Variants in TRIM6 observed in about 807,000 individuals in gnomAD.
TRIM6 encodes tripartite motif containing 6, also known as tripartite motif-containing protein 6.
TRIM6 carries 43 observed loss-of-function variants against 51.2 expected under a neutral mutation model. That is an observed-to-expected ratio of 0.84 (90% CI 0.66 to 1.08). TRIM6 has a LOEUF of 1.08. Ranked by LOEUF, TRIM6 falls within the 50% of genes least tolerant of loss-of-function variation. The pLI is 0.00. For missense variants in TRIM6, 669 were observed against 619.0 expected (o/e 1.08, Z -0.86); for synonymous variants, 215 against 232.4 (o/e 0.93, Z 0.68).
At chr11:5,608,335 G>T in intron 4 of TRIM6, 37 bp from the exon 5 acceptor site, 1 of 1,612,546 alleles carries the variant, frequency 6.2e-7, no homozygotes, top group Non-Finnish European at 8.5e-7. Flanking sequence ...GGCATGACCT[G>T]TTACTCCTTG....
At chr11:5,608,496 C>A in intron 5 of TRIM6, 102 bp downstream of exon 5, 1 of 1,553,614 alleles carries the variant, frequency 6.4e-7, no homozygotes, top group Non-Finnish European at 8.7e-7. Flanking sequence ...GGGGAAGATT[C>A]AAGAGAGTAG....
intron 1 of TRIM6, among the ~76,000 whole-genome samples, chr11:5,602,983 G>T (rs1847960774): frequency 6.6e-6 from 1 of 152,044 alleles, no homozygotes; most frequent in Non-Finnish European, 1.5e-5. Flanking sequence ...AGATCACACA[G>T]ACAGTGACTC....
intron 3 of TRIM6, 91 bp downstream of exon 3, chr11:5,604,720 C>T (rs1848100865): frequency 1.5e-6 from 2 of 1,355,902 alleles, no homozygotes; most frequent in African/African-American, 2.9e-5. Flanking sequence ...CCTGTCTGTC[C>T]TCTGATGCCA....
chr11:5,605,141 A>T (rs1274030917), intron 3 of TRIM6, 196 bp from the exon 4 acceptor site: 6 of 698,734 alleles, frequency 8.6e-6, no homozygotes, highest in African/African-American at 1.8e-5. Context: ...GCCCGGGGCC[A>T]ATGGTCTGGG....
chr11:5,603,526 C>T lies in TRIM6; in HGVS notation c.298C>T (p.Arg100Trp), dbSNP rs768387826. The T allele has an allele frequency of 8.1e-6, 13 of 1,613,944 alleles. No homozygotes were observed. Among genetic ancestry groups the T allele is most frequent in the South Asian group, 3.3e-5 (3 of 91,072 alleles). ...SYQPGNLRPN[R>W]HLANIVRRLR... ...CCAGCCAGGGAACCTGCGGCCTAAT[C>T]GGCATCTGGCCAACATAGTGAGGCG... Residue 100 changes from arginine to tryptophan, a missense_variant, in exon 2 of 8, where the codon CGG (arginine) becomes TGG (tryptophan). By Grantham distance (101) the Arg-to-Trp change is moderately radical. Transcript: ENST00000380097.
chr11:5,607,169 A>C (rs370895257), intron 4 of TRIM6, among the ~76,000 whole-genome samples: 2 of 152,224 alleles, frequency 1.3e-5, no homozygotes, highest in East Asian at 3.9e-4. Context: ...GCACCACTGC[A>C]CTCCAGCCTG....
At chr11:5,605,703 C>A in intron 4 of TRIM6, 136 bp downstream of exon 4, 1 of 1,075,738 alleles carries the variant, frequency 9.3e-7, no homozygotes, top group Non-Finnish European at 1.3e-6. Flanking sequence ...TGCCTATCCC[C>A]TATTAAACTG....
intron 1 of TRIM6, among the ~76,000 whole-genome samples, chr11:5,597,138 G>A (rs1012376789): frequency 6.6e-6 from 1 of 152,204 alleles, no homozygotes; most frequent in Non-Finnish European, 1.5e-5. Context: ...CAGACTGCAT[G>A]TGTTCAAATC....
Position 5,610,885 on chromosome 11 carries a change from A to T in TRIM6, c.1094A>T (p.Glu365Val). 1 of 1,614,198 alleles carries T rather than the reference A, an allele frequency of 6.2e-7. No individual in the cohort carries two copies. Among genetic ancestry groups the T allele is most frequent in the Non-Finnish European group, 8.5e-7 (1 of 1,180,032 alleles). ...GAKVSGPSCL[E>V]KHYDCSVLGS... ...AAAGTATCTGGACCTTCCTGTCTGG[A>T]AAAGCATTATGACTGTAGTGTCCTG... Residue 365 changes from glutamate (E) to valine (V), a missense_variant, in exon 8 of 8, where the codon GAA becomes GTA. By Grantham distance (121) the Glu-to-Val change is moderately radical. Transcript: ENST00000380097.
Position 5,611,259 on chromosome 11 carries a change from T to G in TRIM6, c.1468T>G (p.Tyr490Asp). 1 of 1,614,090 alleles carries G rather than the reference T, an allele frequency of 6.2e-7. No homozygotes were observed. Among genetic ancestry groups the G allele is most frequent in the Non-Finnish European group, 8.5e-7 (1 of 1,179,966 alleles). The change falls in exon 8 of 8, where the codon TAT becomes GAT. Residue 490 changes from tyrosine (Y) to aspartate (D), a missense_variant. Physicochemically the swap from Tyr to Asp is radical, Grantham distance 160. Coordinates refer to ENST00000380097, the MANE Select transcript of TRIM6 (RefSeq NM_001003818.3). ...CTTCCCCATCTACACTTTCTCTAAA[T>G]ATTACTTTCCCACTACTCTTTGTCC... ...HGFPIYTFSKYYFPTTLCPYF... is the reference protein window; with the variant it reads ...HGFPIYTFSKDYFPTTLCPYF...
chr11:5,600,204 T>G (rs1046759874), intron 1 of TRIM6, among the ~76,000 whole-genome samples: 2 of 152,192 alleles, frequency 1.3e-5, no homozygotes, highest in African/African-American at 4.8e-5. Context: ...CCTGCGTATC[T>G]GCATTCAACA....
rs1848590887 is a variant in TRIM6, at chr11:5,611,826, A to C, written c.*484A>C. ...TGAGAGTAAGCATCTTTGACTGATGACAGGTCTTGAGGTGGATAGGGGGCG... is the reference window on the plus strand; with the variant it reads ...TGAGAGTAAGCATCTTTGACTGATGCCAGGTCTTGAGGTGGATAGGGGGCG... On this transcript the variant is annotated 3_prime_UTR_variant, in exon 8 of 8. Transcript: ENST00000380097. 1 of 155,396 alleles carries C rather than the reference A, an allele frequency of 6.4e-6. No homozygotes were observed. Among genetic ancestry groups the C allele is most frequent in the African/African-American group, 2.4e-5 (1 of 41,466 alleles). The allele number at this position is 155,396 out of a possible 1,614,324, so 9.6% of individuals were successfully genotyped here. A position where few individuals can be genotyped will look rare whatever the true frequency, so the allele number is the denominator to read the frequency against.
Position 5,610,756 on chromosome 11 carries a change from ATGT to A in TRIM6, c.986-17_986-15del, listed in dbSNP as rs750990777. The A allele has an allele frequency of 2.4e-5, 38 of 1,611,596 alleles. No individual in the cohort carries two copies. In the East Asian group the frequency reaches 7.1e-4, roughly 30 times the overall value. ...CCCATGTCCCCGTTCTCATCTGCTG[ATGT>A]TGTACCTTTTCCTACAGTTGACGTG... On this transcript the variant is annotated intron_variant, in intron 7 of 7. Transcript: ENST00000380097.
chr11:5,600,994 A>C (rs1216617797), intron 1 of TRIM6, among the ~76,000 whole-genome samples: 1 of 152,210 alleles, frequency 6.6e-6, no homozygotes, highest in Non-Finnish European at 1.5e-5. Flanking sequence ...AACGTAATTT[A>C]TCAACAACTC....
chr11:5,608,919 C>T (rs1337094508), intron 5 of TRIM6, among the ~76,000 whole-genome samples: 2 of 129,486 alleles, frequency 1.5e-5, no homozygotes, highest in African/African-American at 3.1e-5. Flanking sequence ...GGTGTGATCT[C>T]GGCTCACTGC....
At position 5,610,916 on chromosome 11, in the gene TRIM6, C is replaced by T. The variant is rs1414073866; in HGVS notation, c.1125C>T (p.Ser375=). 6.2e-7 allele frequency: 1 copy of T among 1,614,134 alleles called. No individual in the cohort carries two copies. The highest frequency in any genetic ancestry group is 1.3e-5 in the African/African-American group (1 of 75,012). ...ATTATGACTGTAGTGTCCTGGGCTC[C>T]CAGCACTTCTCCTCTGGTAAGCATT... ...EKHYDCSVLG[S]QHFSSGKHYW... The change falls in exon 8 of 8, where the codon TCC becomes TCT. Residue 375 remains serine (S), a synonymous_variant. Transcript: ENST00000380097.
chr11:5,608,533 T>G, intron 5 of TRIM6, 139 bp downstream of exon 5: 1 of 1,360,912 alleles, frequency 7.3e-7, no homozygotes, highest in Non-Finnish European at 9.8e-7. Context: ...ACATGGAGTT[T>G]TGGCATCCCC....
intron 1 of TRIM6, among the ~76,000 whole-genome samples, chr11:5,601,757 C>T (rs1174666621): frequency 6.6e-6 from 1 of 152,078 alleles, no homozygotes; most frequent in Admixed American, 6.5e-5. Context: ...GACTCAGTTT[C>T]AACAACAACA....
chr11:5,599,699 G>C (rs1374124626), intron 1 of TRIM6, among the ~76,000 whole-genome samples: 1 of 128,154 alleles, frequency 7.8e-6, no homozygotes, highest in Non-Finnish European at 1.8e-5. Context: ...CACCGCGCCC[G>C]GCCAACACAA....
Sources: allele counts gnomAD v4.1 joint callset (sites outside exome capture counted in the v4.1 genomes callset), GRCh38; gene constraint gnomAD v4.1.1; transcripts MANE v1.5; gene names NCBI Gene and HGNC (gene_info 2026-07-23, HGNC 2026-07-21).